The following GALNT17 variants were observed in gnomAD, a reference collection of about 807,000 sequenced individuals.
The protein encoded by GALNT17 is UDP-GalNAc:polypeptide N-acetylgalactosaminyltransferase-like 3.
GALNT17 carries 29 observed loss-of-function variants against 63.7 expected under a neutral mutation model. That is an observed-to-expected ratio of 0.46 (90% confidence interval 0.34 to 0.62). The LOEUF (loss-of-function observed/expected upper bound fraction) is 0.62, where lower values mean the gene tolerates loss of function less well. GALNT17 is among the 20% of genes least tolerant of loss of function. The pLI is 0.01. For synonymous variants in GALNT17, 305 were observed against 318.3 expected, an observed-to-expected ratio of 0.96 and a Z score of 0.45; for missense variants, 603 against 799.6, an observed-to-expected ratio of 0.75 and a Z score of 2.97.
intron 5 of GALNT17, among the ~76,000 whole-genome samples, chr7:71,524,424 G>A (rs1180034004): frequency 6.6e-6 from 1 of 151,450 alleles, no homozygotes; most frequent in African/African-American, 2.4e-5. Context: ...TCCCCAGTTG[G>A]TTCTGATGCT....
At chr7:71,264,286 C>T (rs1173668565) in intron 1 of GALNT17, among the ~76,000 whole-genome samples, 1 of 152,022 alleles carries the variant, frequency 6.6e-6, no homozygotes, top group Non-Finnish European at 1.5e-5. Flanking sequence ...AGGACACAAC[C>T]CTTTATTTAG....
At chr7:71,456,653 C>T (rs1055588117) in intron 5 of GALNT17, among the ~76,000 whole-genome samples, 8 of 151,312 alleles carry the variant, frequency 5.3e-5, no homozygotes, top group African/African-American at 1.7e-4. Context: ...GAACTCTTGG[C>T]GGAGGCTGCA....
intron 6 of GALNT17, among the ~76,000 whole-genome samples, chr7:71,599,991 T>C (rs1789941513): frequency 6.6e-6 from 1 of 151,658 alleles, no homozygotes; most frequent in African/African-American, 2.4e-5. Flanking sequence ...ACAACCAAAA[T>C]ATCTTCAGAC....
intron 6 of GALNT17, among the ~76,000 whole-genome samples, chr7:71,658,575 T>G (rs1375866225): frequency 6.6e-6 from 1 of 152,142 alleles, no homozygotes; most frequent in African/African-American, 2.4e-5. Flanking sequence ...TCCAATCTAT[T>G]GTTGATGATT....
intron 1 of GALNT17, among the ~76,000 whole-genome samples, chr7:71,148,866 A>G (rs924257050): frequency 1.5e-5 from 2 of 130,460 alleles, no homozygotes; most frequent in African/African-American, 6.8e-5. Context: ...ATTTTTATAT[A>G]TATATATATA....
At chr7:71,636,865 A>C (rs761592556) in intron 6 of GALNT17, among the ~76,000 whole-genome samples, 5 of 152,184 alleles carry the variant, frequency 3.3e-5, no homozygotes, top group Non-Finnish European at 7.3e-5. Flanking sequence ...AAACAGTAAG[A>C]GGGTGTGGAA....
At chr7:71,538,114 A>G (rs905395702) in intron 5 of GALNT17, among the ~76,000 whole-genome samples, 3 of 152,200 alleles carry the variant, frequency 2.0e-5, no homozygotes, top group Non-Finnish European at 4.4e-5. Context: ...AAACTAATAT[A>G]TATAACAACT....
At chr7:71,307,081 C>G (rs1388871434) in intron 1 of GALNT17, among the ~76,000 whole-genome samples, 3 of 152,116 alleles carry the variant, frequency 2.0e-5, no homozygotes, top group Admixed American at 2.0e-4. Context: ...ACCTTGGCCT[C>G]CCAAAGTGCT....
chr7:71,591,088 G>A (rs914957432), intron 6 of GALNT17, among the ~76,000 whole-genome samples: 35 of 150,766 alleles, frequency 2.3e-4, no homozygotes, highest in Admixed American at 1.8e-3. Context: ...ACGGAGTCTC[G>A]CTCTGTCTCC....
At chr7:71,450,429 G>T (rs895307415) in intron 5 of GALNT17, among the ~76,000 whole-genome samples, 2 of 152,166 alleles carry the variant, frequency 1.3e-5, no homozygotes, top group Non-Finnish European at 2.9e-5. Context: ...AGTGCACCTG[G>T]CTTACTTGAA....
intron 6 of GALNT17, among the ~76,000 whole-genome samples, chr7:71,572,292 A>G (rs1387878492): frequency 6.6e-6 from 1 of 151,638 alleles, no homozygotes; most frequent in Non-Finnish European, 1.5e-5. Context: ...ACTTGAGCCC[A>G]GGAGTTCAAA....
At chr7:71,316,937 A>G (rs1018335857) in intron 1 of GALNT17, among the ~76,000 whole-genome samples, 5 of 152,188 alleles carry the variant, frequency 3.3e-5, no homozygotes, top group African/African-American at 1.2e-4. Context: ...GACTTTCCAC[A>G]AACTCTGGCC....
intron 6 of GALNT17, among the ~76,000 whole-genome samples, chr7:71,646,206 T>C (rs1790673181): frequency 6.6e-6 from 1 of 152,230 alleles, no homozygotes; most frequent in African/African-American, 2.4e-5. Context: ...TTTCCTGACT[T>C]CCATAGCTTC....
At chr7:71,343,651 T>G (rs564775971) in intron 2 of GALNT17, among the ~76,000 whole-genome samples, 1 of 152,326 alleles carries the variant, frequency 6.6e-6, no homozygotes, top group Non-Finnish European at 1.5e-5. Context: ...AGAATACTTA[T>G]AAATATTCTA....
intron 8 of GALNT17, 90 bp from the exon 9 acceptor site, chr7:71,677,121 G>A: frequency 7.3e-7 from 1 of 1,361,450 alleles, no homozygotes; most frequent in Non-Finnish European, 1.0e-6. Context: ...CCATCATGAA[G>A]TTGGAACCAA....
intron 5 of GALNT17, among the ~76,000 whole-genome samples, chr7:71,440,409 C>G (rs138520802): frequency 0.032 from 4,543 of 141,748 alleles, 269 homozygotes; most frequent in African/African-American, 0.11. Context: ...GAGTTTCCCT[C>G]TGTTGCCCAG....
At chr7:71,358,723 C>T (rs1306197634) in intron 2 of GALNT17, among the ~76,000 whole-genome samples, 1 of 152,116 alleles carries the variant, frequency 6.6e-6, no homozygotes, top group Non-Finnish European at 1.5e-5. Context: ...CCAGAATTTT[C>T]ACTGATTATC....
intron 6 of GALNT17, among the ~76,000 whole-genome samples, chr7:71,610,153 TTAAA>T (rs1475626576): frequency 6.6e-6 from 1 of 152,058 alleles, no homozygotes; most frequent in Non-Finnish European, 1.5e-5. Context: ...TAATATAGAA[TTAAA>T]TAAAAAGACC....
chr7:71,300,622 AC>A, intron 1 of GALNT17: 1 of 235,746 alleles, frequency 4.2e-6, no homozygotes, highest in Non-Finnish European at 8.8e-6. Context: ...AACCACACAC[AC>A]AAACACACAT....
Sources: allele counts gnomAD v4.1 joint callset (sites outside exome capture counted in the v4.1 genomes callset), GRCh38; gene constraint gnomAD v4.1.1; transcripts MANE v1.5; gene names NCBI Gene and HGNC (gene_info 2026-07-23, HGNC 2026-07-21).